Variants in RAB14 observed in about 807,000 individuals in gnomAD.
RAB14 encodes ras-related protein Rab-14.
Under a neutral mutation model 31.1 loss-of-function variants are expected in RAB14, and 3 were observed. The observed-to-expected ratio is 0.10, with a 90% CI of 0.04 to 0.25. RAB14 has a LOEUF of 0.25. Among genes scored for constraint, RAB14 ranks in the 10% least tolerant of loss-of-function variants. The probability of loss-of-function intolerance (pLI) is 1.00; values close to 1 mark genes in which losing one functional copy is unlikely to be tolerated. For synonymous variants in RAB14, 85 were observed against 84.9 expected, an observed-to-expected ratio of 1.00 and a Z score of 0.00; for missense variants, 111 against 260.1, an observed-to-expected ratio of 0.43 and a Z score of 3.94.
At chr9:121,193,886 G>A (rs543494058) in intron 1 of RAB14, among the ~76,000 whole-genome samples, 1 of 152,120 alleles carries the variant, frequency 6.6e-6, no homozygotes, top group South Asian at 2.1e-4. Flanking sequence ...GGTATATAAA[G>A]GAACCACTTA....
Position 121,181,530 on chromosome 9 carries a change from T to C in RAB14, c.514A>G (p.Ile172Val). The C allele has an allele frequency of 6.2e-7, 1 of 1,613,022 alleles. No individual in the cohort carries two copies. The highest frequency in any genetic ancestry group is 8.5e-7 in the Non-Finnish European group (1 of 1,179,174). The change falls in exon 8 of 8, where the codon ATC becomes GTC. Residue 172 changes from isoleucine to valine, a missense_variant. Coordinates refer to ENST00000373840, the MANE Select transcript of RAB14 (RefSeq NM_016322.4). ...CTTCCATCCTGAATGTTCTGATAGA[T>C]TTTCTTGGCAGCCTCAAGGAAGGCA... ...EDAFLEAAKK[I>V]YQNIQDGSLD...
At chr9:121,200,413 C>T (rs80346138) in intron 1 of RAB14, among the ~76,000 whole-genome samples, 3,000 of 152,246 alleles carry the variant, frequency 0.02, 87 homozygotes, top group African/African-American at 0.068. Context: ...GAGCAGTAAA[C>T]TTTGCAAGAG....
At chr9:121,189,210 G>A (rs2053673928) in intron 4 of RAB14, among the ~76,000 whole-genome samples, 1 of 151,982 alleles carries the variant, frequency 6.6e-6, no homozygotes, top group Non-Finnish European at 1.5e-5. Context: ...TGCATGTTCT[G>A]GTTGTTCCCA....
rs1288834721 is a variant in RAB14, at chr9:121,192,162, T to G, written c.106+9A>C. 6 of 1,562,154 alleles carry G rather than the reference T, an allele frequency of 3.8e-6. No individual in the cohort carries two copies. The highest frequency in any genetic ancestry group is 5.3e-6 in the Non-Finnish European group (6 of 1,136,848). On this transcript the variant is annotated intron_variant, in intron 3 of 7. Coordinates refer to ENST00000373840, the MANE Select transcript of RAB14 (RefSeq NM_016322.4). ...AACTATTAATGTTTACCTCATGTAT[T>G]GAACTTACATTTTTTTTCTGTAAAT... is the stretch of plus-strand genomic sequence containing the variant.
chr9:121,193,711 AAATCCAATAAGTATT>A (rs891011912), intron 1 of RAB14, among the ~76,000 whole-genome samples: 1 of 152,156 alleles, frequency 6.6e-6, no homozygotes, highest in African/African-American at 2.4e-5. Context: ...AATTTAAAAA[AAATCCAATAAGTATT>A]AATCTGAAAA....
At chr9:121,199,763 G>A (rs1438978755) in intron 1 of RAB14, among the ~76,000 whole-genome samples, 1 of 152,122 alleles carries the variant, frequency 6.6e-6, no homozygotes, top group African/African-American at 2.4e-5. Flanking sequence ...ACACATGCCA[G>A]CTACTTTATA....
At chr9:121,191,060 T>A (rs1251415331) in intron 3 of RAB14, among the ~76,000 whole-genome samples, 1 of 152,162 alleles carries the variant, frequency 6.6e-6, no homozygotes, top group Non-Finnish European at 1.5e-5. Flanking sequence ...AAAACAGGCA[T>A]GGTTGTATTC....
Position 121,193,549 on chromosome 9 carries a change from A to C in RAB14, c.-7-130T>G, listed in dbSNP as rs1285803501. Reference sequence around the variant, plus strand: ...CAAATGTTGGTTACAGTAAGTCAAAATAAAACTGCATTTCACAAACTGATC... The same window carrying C: ...CAAATGTTGGTTACAGTAAGTCAAACTAAAACTGCATTTCACAAACTGATC... On this transcript the variant is annotated intron_variant, in intron 1 of 7. Coordinates refer to ENST00000373840, the MANE Select transcript of RAB14 (RefSeq NM_016322.4). The C allele has an allele frequency of 1.1e-5, 7 of 614,576 alleles. No homozygotes were observed. In the East Asian group the frequency reaches 2.3e-4, roughly 20 times the overall value. 38.1% of individuals were successfully genotyped at this position (614,576 alleles called of 1,614,324 possible).
chr9:121,190,505 C>T (rs2053680866), intron 4 of RAB14, 49 bp downstream of exon 4: 1 of 1,493,756 alleles, frequency 6.7e-7, no homozygotes, highest in Non-Finnish European at 9.0e-7. Flanking sequence ...TTTAAATGCC[C>T]AAAGTAGATT....
At chr9:121,189,093 C>G (rs1490074240) in intron 4 of RAB14, among the ~76,000 whole-genome samples, 1 of 152,032 alleles carries the variant, frequency 6.6e-6, no homozygotes, top group African/African-American at 2.4e-5. Flanking sequence ...ATAATGTTTT[C>G]AAGTTTCATC....
intron 4 of RAB14, among the ~76,000 whole-genome samples, chr9:121,188,221 G>A (rs1260364724): frequency 6.6e-6 from 1 of 151,680 alleles, no homozygotes; most frequent in Non-Finnish European, 1.5e-5. Flanking sequence ...AAAAGCACAA[G>A]CCTTATCTGT....
chr9:121,193,434 A>G lies in RAB14; in HGVS notation c.-7-15T>C. The G allele has an allele frequency of 1.3e-6, 2 of 1,538,252 alleles. No individual in the cohort carries two copies. Among genetic ancestry groups the G allele is most frequent in the South Asian group, 2.4e-5 (2 of 82,996 alleles). ...CCATGGTGGCACTAAAAACAAAGAAATCTCTGTTACTTCAGAAGGAAAGCA... is the reference window on the plus strand; with the variant it reads ...CCATGGTGGCACTAAAAACAAAGAAGTCTCTGTTACTTCAGAAGGAAAGCA... On this transcript the variant is annotated splice_polypyrimidine_tract_variant and intron_variant, in intron 1 of 7. Transcript: ENST00000373840.
intron 3 of RAB14, 63 bp from the exon 4 acceptor site, chr9:121,190,794 G>T: frequency 6.6e-7 from 1 of 1,511,016 alleles, no homozygotes; most frequent in South Asian, 1.2e-5. Context: ...AGCCTAGAGG[G>T]GGAAAATCCA....
chr9:121,200,733 A>G (rs2053761328), intron 1 of RAB14, among the ~76,000 whole-genome samples: 1 of 152,228 alleles, frequency 6.6e-6, no homozygotes, highest in African/African-American at 2.4e-5. Context: ...TGTGAGCCGA[A>G]GCCAGTTTGT....
In RAB14 at chr9:121,183,477, A is replaced by C. The variant is rs1180147154; in HGVS notation, c.352-79T>G. 14 of 1,128,180 alleles carry C rather than the reference A, an allele frequency of 1.2e-5. No homozygotes were observed. In the East Asian group the frequency reaches 3.3e-4, roughly 27 times the overall value. The allele number at this position is 1,128,180 out of a possible 1,614,324, so 69.9% of individuals were successfully genotyped here. ...AACCATGCAAATTCTGAAATCCAAA[A>C]ATCTTGATAGAAAAAATGACTGGGC... On this transcript the variant is annotated intron_variant, in intron 5 of 7. Transcript: ENST00000373840.
intron 5 of RAB14, among the ~76,000 whole-genome samples, chr9:121,185,621 T>A (rs951901508): frequency 1.3e-5 from 2 of 152,200 alleles, no homozygotes; most frequent in Non-Finnish European, 2.9e-5. Flanking sequence ...TACAATTTTG[T>A]CATTTTGAGA....
chr9:121,181,091 G>C lies in RAB14; in HGVS notation c.*305C>G, dbSNP rs1588365737. Reference sequence around the variant, plus strand: ...TTGCCAAAGGGAGGGTAAAAATCATGAAGTCCAGCATCAGTGCTCGGTTTA... The same window carrying C: ...TTGCCAAAGGGAGGGTAAAAATCATCAAGTCCAGCATCAGTGCTCGGTTTA... On this transcript the variant is annotated 3_prime_UTR_variant, in exon 8 of 8. Transcript: ENST00000373840. 4.5e-6 allele frequency: 1 copy of C among 222,854 alleles called. No individual in the cohort carries two copies. The highest frequency in any genetic ancestry group is 5.6e-5 in the Admixed American group (1 of 17,932). 13.8% of individuals were successfully genotyped at this position (222,854 alleles called of 1,614,324 possible). A position where few individuals can be genotyped will look rare whatever the true frequency, so the allele number is the denominator to read the frequency against.
At position 121,180,707 on chromosome 9, in the gene RAB14, G is replaced by C. The variant is rs2053627982; in HGVS notation, c.*689C>G. On this transcript the variant is annotated 3_prime_UTR_variant, in exon 8 of 8. Coordinates refer to ENST00000373840, the MANE Select transcript of RAB14 (RefSeq NM_016322.4). ...TTTCTTCATTAAAATAATATACACA[G>C]AATGTATTGTTAGTTCGATTCCTTC... The C allele has an allele frequency of 6.6e-6, 1 of 152,568 alleles. No homozygotes were observed. Among genetic ancestry groups the C allele is most frequent in the South Asian group, 2.1e-4 (1 of 4,820 alleles). The allele number at this position is 152,568 out of a possible 1,614,324, so 9.5% of individuals were successfully genotyped here.
intron 4 of RAB14, among the ~76,000 whole-genome samples, chr9:121,187,984 C>T (rs948296161): frequency 6.6e-6 from 1 of 151,978 alleles, no homozygotes; most frequent in Non-Finnish European, 1.5e-5. Context: ...TGAATATATT[C>T]CATGATCTCT....
Sources: gnomAD v4.1 joint callset for allele counts (sites outside exome capture counted in the v4.1 genomes callset) on GRCh38, gnomAD v4.1.1 for gene constraint, MANE v1.5 for transcripts, NCBI Gene and HGNC (gene_info 2026-07-23, HGNC 2026-07-21) for gene names.